The following RCOR3 variants were observed in gnomAD, a reference collection of about 807,000 sequenced individuals.
RCOR3 encodes the protein REST corepressor 3.
Under a neutral mutation model 64.1 loss-of-function variants are expected in RCOR3, and 13 were observed. That is an observed-to-expected ratio of 0.20 (90% CI 0.13 to 0.32). The LOEUF is 0.32. RCOR3 is among the 10% of genes least tolerant of loss of function. RCOR3 has a pLI of 1.00. For missense variants in RCOR3, 489 were observed against 701.2 expected (o/e 0.70, Z 3.42); for synonymous variants, 215 against 239.0 (o/e 0.90, Z 0.93).
chr1:211,304,243 G>C (rs904222714), intron 10 of RCOR3, 103 bp downstream of exon 10: 134 of 791,432 alleles, frequency 1.7e-4, no homozygotes, highest in Non-Finnish European at 2.3e-4. Context: ...ATCAAGAAAG[G>C]GCTCTTGTGT....
chr1:211,300,000 C>G (rs1700208163), intron 9 of RCOR3, among the ~76,000 whole-genome samples: 1 of 151,836 alleles, frequency 6.6e-6, no homozygotes, highest in Non-Finnish European at 1.5e-5. Context: ...TCTTCTGCTT[C>G]CACTTGTCAC....
intron 9 of RCOR3, among the ~76,000 whole-genome samples, chr1:211,296,864 G>A (rs1699907425): frequency 6.6e-6 from 1 of 151,738 alleles, no homozygotes; most frequent in Non-Finnish European, 1.5e-5. Context: ...TTTGTATTAT[G>A]CACTAAAATG....
rs140590599 is a variant in RCOR3, at chr1:211,309,744, G to T, written c.1076-2976G>T. 3.5e-3 allele frequency among the ~76,000 whole-genome samples: 537 copies of T among 152,314 alleles called. 2 individuals are homozygous for T. Among genetic ancestry groups the T allele is most frequent in the African/African-American group, 0.012 (515 of 41,576 alleles). On this transcript the variant is annotated intron_variant, in intron 10 of 11. Coordinates refer to ENST00000419091, the MANE Select transcript of RCOR3 (RefSeq NM_001136223.3). The stretch of plus-strand genomic sequence containing the variant: ...ATCAACTATGAAAAAATAATGGAGT[G>T]CCCTTCCCCCAGGGACAGACTGAAA...
chr1:211,274,191 T>C lies in RCOR3; in HGVS notation c.302-19T>C. ...AAGTAAATGAGAATAATTAATTATA[T>C]AACATTATTTCATTGCAGTGGATGA... On this transcript the variant is annotated intron_variant, in intron 3 of 11. Coordinates refer to ENST00000419091, the MANE Select transcript of RCOR3 (RefSeq NM_001136223.3). 6.6e-7 allele frequency: 1 copy of C among 1,517,044 alleles called. No homozygotes were observed. The highest frequency in any genetic ancestry group is 9.1e-7 in the Non-Finnish European group (1 of 1,099,502). 94.0% of individuals were successfully genotyped at this position (1,517,044 alleles called of 1,614,324 possible). A position where few individuals can be genotyped will look rare whatever the true frequency, so the allele number is the denominator to read the frequency against.
At chr1:211,266,300 G>A (rs980890456) in intron 2 of RCOR3, among the ~76,000 whole-genome samples, 5 of 152,036 alleles carry the variant, frequency 3.3e-5, no homozygotes, top group South Asian at 2.1e-4. Context: ...CATGATCTTC[G>A]TCAAAGTCCT....
intron 1 of RCOR3, 50 bp downstream of exon 1, chr1:211,259,776 T>TCCCCTCCCCCAGC: frequency 9.0e-7 from 1 of 1,108,906 alleles, no homozygotes; most frequent in Non-Finnish European, 1.1e-6. Flanking sequence ...CCCTCCCTCT[T>TCCCCTCCCCCAGC]CCCCTCCCCC....
chr1:211,259,448 C>T lies in RCOR3; in HGVS notation c.-113C>T, dbSNP rs945865127. On this transcript the variant is annotated 5_prime_UTR_variant, in exon 1 of 12. Coordinates refer to ENST00000419091, the MANE Select transcript of RCOR3 (RefSeq NM_001136223.3). ...TAACAGCCTCCTCCTCCTCCGCCGC[C>T]GCCGCCGTCTCCTCCTCCTCCTCCT... 1.5e-4 allele frequency: 163 copies of T among 1,102,364 alleles called. No homozygotes were observed. The African/African-American group carries it at 2.5e-3, about 17-fold the overall frequency. 68.3% of individuals were successfully genotyped at this position (1,102,364 alleles called of 1,614,324 possible).
intron 7 of RCOR3, among the ~76,000 whole-genome samples, chr1:211,286,369 G>A (rs1178369891): frequency 8.1e-5 from 12 of 148,560 alleles, no homozygotes; most frequent in African/African-American, 2.5e-4. Context: ...GTGCAGTGGC[G>A]TGATCTCGGC....
Position 211,274,262 on chromosome 1 carries a change from G to A in RCOR3, c.354G>A (p.Gln118=). 6.3e-7 allele frequency: 1 copy of A among 1,593,636 alleles called. No homozygotes were observed. The highest frequency in any genetic ancestry group is 8.6e-7 in the Non-Finnish European group (1 of 1,162,592). ...AKEKHGYNVE[Q]ALGMLFWHKH... ...AAAAGCATGGCTACAATGTGGAACA[G>A]GTATGTAGAGAAACACTTCAGTAGT... The change falls in exon 4 of 12, where the codon CAG becomes CAA. Residue 118 remains glutamine, a splice_region_variant and synonymous_variant. Transcript: ENST00000419091.
chr1:211,266,503 A>C (rs565494523), intron 2 of RCOR3, among the ~76,000 whole-genome samples: 2 of 152,238 alleles, frequency 1.3e-5, no homozygotes, highest in African/African-American at 4.8e-5. Context: ...TGATTGTTCA[A>C]CAATTTCATT....
At chr1:211,293,085 A>AT (rs1699431879) in intron 8 of RCOR3, among the ~76,000 whole-genome samples, 2 of 113,710 alleles carry the variant, frequency 1.8e-5, no homozygotes, top group African/African-American at 6.0e-5. Context: ...CTCTGTCTCC[A>AT]AAAATAAATA....
intron 7 of RCOR3, among the ~76,000 whole-genome samples, chr1:211,282,731 T>C (rs1697988742): frequency 1.3e-5 from 2 of 152,180 alleles, no homozygotes; most frequent in African/African-American, 4.8e-5. Context: ...ACTCCTGACC[T>C]CAGGTGATCC....
chr1:211,280,877 G>A (rs989810015), intron 7 of RCOR3, among the ~76,000 whole-genome samples: 3 of 151,906 alleles, frequency 2.0e-5, no homozygotes, highest in Admixed American at 6.6e-5. Context: ...CCAGCTACTC[G>A]GGAGGTCGAG....
chr1:211,294,040 TATAAG>T (rs1007415188), intron 8 of RCOR3, among the ~76,000 whole-genome samples: 1 of 152,354 alleles, frequency 6.6e-6, no homozygotes, highest in African/African-American at 2.4e-5. Context: ...ACTGTTATAA[TATAAG>T]TAGAGTCTGT....
chr1:211,288,564 ATATTTTATTATATT>A (rs1182793080), intron 7 of RCOR3, among the ~76,000 whole-genome samples: 1 of 146,972 alleles, frequency 6.8e-6, no homozygotes, highest in African/African-American at 2.5e-5. Flanking sequence ...TATTTTATTT[ATATTTTATTATATT>A]TATTTTATTT....
chr1:211,285,243 T>C (rs1384270697), intron 7 of RCOR3, among the ~76,000 whole-genome samples: 1 of 152,242 alleles, frequency 6.6e-6, no homozygotes, highest in African/African-American at 2.4e-5. Flanking sequence ...AGGGAACATT[T>C]TTCTGATCGT....
At chr1:211,265,601 C>T (rs982900735) in intron 2 of RCOR3, among the ~76,000 whole-genome samples, 2 of 152,082 alleles carry the variant, frequency 1.3e-5, no homozygotes, top group African/African-American at 4.8e-5. Context: ...CACCTGTAAT[C>T]CCAGCTACTT....
intron 2 of RCOR3, among the ~76,000 whole-genome samples, chr1:211,265,332 C>A (rs1464771196): frequency 2.6e-5 from 4 of 152,180 alleles, no homozygotes; most frequent in African/African-American, 7.2e-5. Context: ...CTAACATTCT[C>A]AAAGTTTACA....
chr1:211,283,349 A>G (rs962622690), intron 7 of RCOR3, among the ~76,000 whole-genome samples: 2 of 152,258 alleles, frequency 1.3e-5, no homozygotes. Context: ...TTTACTGAGT[A>G]ACAGGGTCCC....
Sources: allele counts gnomAD v4.1 joint callset (sites outside exome capture counted in the v4.1 genomes callset), GRCh38; gene constraint gnomAD v4.1.1; transcripts MANE v1.5; gene names NCBI Gene and HGNC (gene_info 2026-07-23, HGNC 2026-07-21).